NT5DC3: variants seen among roughly 807,000 people sequenced by gnomAD.
NT5DC3 encodes 5'-nucleotidase domain-containing protein 3.
A neutral mutation model predicts 67.8 loss-of-function variants in NT5DC3; 42 were observed. The observed-to-expected ratio is 0.62, with a 90% confidence interval of 0.48 to 0.80. The LOEUF is 0.80. Among genes scored for constraint, NT5DC3 ranks in the 30% least tolerant of loss-of-function variants. The probability of loss-of-function intolerance (pLI) is 0.00; values close to 1 mark genes in which losing one functional copy is unlikely to be tolerated. For synonymous variants in NT5DC3, 237 were observed against 255.6 expected (o/e 0.93, Z 0.69); for missense variants, 570 against 696.4 (o/e 0.82, Z 2.04).
intron 2 of NT5DC3, among the ~76,000 whole-genome samples, chr12:103,813,674 A>T (rs1413453190): frequency 6.6e-6 from 1 of 152,204 alleles, no homozygotes; most frequent in Non-Finnish European, 1.5e-5. Flanking sequence ...CTGGGGTAAC[A>T]TCTTCAAGGC....
intron 5 of NT5DC3, among the ~76,000 whole-genome samples, chr12:103,798,279 G>A (rs1399631541): frequency 6.6e-6 from 1 of 152,202 alleles, no homozygotes; most frequent in East Asian, 1.9e-4. Context: ...GGAAGCAGTA[G>A]CTGTCACACC....
chr12:103,793,808 G>T, intron 7 of NT5DC3, 129 bp downstream of exon 7: 1 of 731,062 alleles, frequency 1.4e-6, no homozygotes, highest in Non-Finnish European at 2.4e-6. Flanking sequence ...AACATGCCAG[G>T]ATGCCAGGTC....
chr12:103,796,582 C>G (rs950832669), intron 6 of NT5DC3, among the ~76,000 whole-genome samples: 9 of 152,208 alleles, frequency 5.9e-5, no homozygotes, highest in African/African-American at 2.2e-4. Context: ...TAGGTACAGG[C>G]TGGACTTCCA....
At chr12:103,751,661 C>G in the NT5DC3 span, among the ~76,000 whole-genome samples, 2 of 152,184 alleles carry the variant, frequency 1.3e-5, no homozygotes, top group Non-Finnish European at 2.9e-5. Flanking sequence ...TTATTTGCCC[C>G]TGGGACTGTG....
chr12:103,750,544 G>C, the NT5DC3 span: 1 of 1,610,038 alleles, frequency 6.2e-7, no homozygotes, highest in East Asian at 2.2e-5. Flanking sequence ...CCTAGAGAAG[G>C]AACTTTTTCA....
At chr12:103,820,706 T>A (rs1887456368) in intron 1 of NT5DC3, 1 of 152,172 alleles carries the variant, frequency 6.6e-6, no homozygotes, top group Non-Finnish European at 1.5e-5. Context: ...TTTAAAAAAA[T>A]ATGATGTGCC....
At chr12:103,746,416 T>G in the NT5DC3 span, 3 of 600,192 alleles carry the variant, frequency 5.0e-6, no homozygotes, top group Admixed American at 2.7e-5. Flanking sequence ...AAAAGAGTAA[T>G]TCTAGAATCC....
At chr12:103,788,386 T>TA (rs1476242806) in intron 10 of NT5DC3, among the ~76,000 whole-genome samples, 1 of 152,226 alleles carries the variant, frequency 6.6e-6, no homozygotes, top group African/African-American at 2.4e-5. Context: ...GTTGAGGCTA[T>TA]AGTGAATCAT....
At chr12:103,790,877 G>C (rs1886024086) in intron 9 of NT5DC3, among the ~76,000 whole-genome samples, 2 of 151,206 alleles carry the variant, frequency 1.3e-5, no homozygotes, top group African/African-American at 4.9e-5. Flanking sequence ...TTTTAGTAGA[G>C]AGGGGGTTTC....
chr12:103,789,654 T>C (rs1274997285), intron 9 of NT5DC3, among the ~76,000 whole-genome samples: 1 of 152,072 alleles, frequency 6.6e-6, no homozygotes. Context: ...TCTGGCTTTG[T>C]ACCTGAAATT....
At chr12:103,747,650 C>T in the NT5DC3 span, among the ~76,000 whole-genome samples, 52 of 152,256 alleles carry the variant, frequency 3.4e-4, no homozygotes, top group South Asian at 4.8e-3. Flanking sequence ...TGGGAAATGT[C>T]GTCTTTTATT....
intron 4 of NT5DC3, among the ~76,000 whole-genome samples, chr12:103,799,279 C>G (rs539217404): frequency 5.3e-5 from 8 of 152,290 alleles, no homozygotes; most frequent in African/African-American, 1.9e-4. Context: ...CTTGGTTTGG[C>G]TGCGTCCCCA....
chr12:103,761,338 G>A, the NT5DC3 span: 9 of 1,614,102 alleles, frequency 5.6e-6, no homozygotes, highest in South Asian at 9.9e-5. Context: ...CCATTCTGCA[G>A]TGGGACATCT....
chr12:103,834,906 G>T (rs545841124), intron 1 of NT5DC3, among the ~76,000 whole-genome samples: 1 of 150,956 alleles, frequency 6.6e-6, no homozygotes, highest in East Asian at 2.0e-4. Flanking sequence ...GCAACTGGGG[G>T]TGGGGAGATC....
the NT5DC3 span, among the ~76,000 whole-genome samples, chr12:103,748,584 CCACACACACACACACACACATACACACA>C: frequency 0.053 from 7,470 of 141,816 alleles, 282 homozygotes; most frequent in Non-Finnish European, 0.076. Context: ...TAACTCTACA[CCACACACACACACACACACATACACACA>C]CACACACACA....
chr12:103,808,965 A>G (rs957528705), intron 2 of NT5DC3, among the ~76,000 whole-genome samples: 7 of 152,244 alleles, frequency 4.6e-5, no homozygotes, highest in African/African-American at 1.7e-4. Context: ...GGAAGCAGGC[A>G]TCTCAAGCCT....
intron 1 of NT5DC3, among the ~76,000 whole-genome samples, chr12:103,835,750 G>A (rs554004575): frequency 3.3e-5 from 5 of 152,262 alleles, no homozygotes; most frequent in African/African-American, 9.6e-5. Flanking sequence ...AAAGTAACAC[G>A]GCTGTCATAC....
chr12:103,791,911 C>G (rs927218184), intron 9 of NT5DC3, among the ~76,000 whole-genome samples: 1 of 152,200 alleles, frequency 6.6e-6, no homozygotes, highest in African/African-American at 2.4e-5. Flanking sequence ...TCACCCTACC[C>G]CCACAAACCT....
intron 1 of NT5DC3, among the ~76,000 whole-genome samples, chr12:103,835,583 C>A (rs1888111951): frequency 6.6e-6 from 1 of 152,118 alleles, no homozygotes; most frequent in African/African-American, 2.4e-5. Flanking sequence ...GCTAAATAAC[C>A]CACCTCCACC....
Sources: allele counts gnomAD v4.1 joint callset (sites outside exome capture counted in the v4.1 genomes callset), GRCh38; gene constraint gnomAD v4.1.1; transcripts MANE v1.5; gene names NCBI Gene and HGNC (gene_info 2026-07-23, HGNC 2026-07-21).